DHRSX: variants seen among roughly 807,000 people sequenced by gnomAD.
DHRSX encodes dehydrogenase/reductase X-linked.
DHRSX carries 31 observed loss-of-function variants against 34.0 expected under a neutral mutation model. The ratio of observed to expected loss-of-function variants is 0.91; its 90% CI spans 0.69 to 1.23. The LOEUF is 1.23. DHRSX is among the 50% of genes most tolerant of loss of function. The pLI is 0.00. For synonymous variants in DHRSX, 201 were observed against 183.8 expected, an observed-to-expected ratio of 1.09 and a Z score of -0.76; for missense variants, 414 against 428.1, an observed-to-expected ratio of 0.97 and a Z score of 0.29.
chrX:2,356,238 G>T (rs1318303207), intron 3 of DHRSX, among the ~76,000 whole-genome samples: 1 of 151,992 alleles, frequency 6.6e-6, no homozygotes, highest in Non-Finnish European at 1.5e-5. Context: ...AGCTGGGTGT[G>T]GTGGTGGGCA....
intron 6 of DHRSX, among the ~76,000 whole-genome samples, chrX:2,234,856 G>A (rs1330024656): frequency 2.6e-5 from 4 of 152,108 alleles, no homozygotes; most frequent in Non-Finnish European, 4.4e-5. Flanking sequence ...GACTACAGGC[G>A]TGTGCCACCA....
intron 3 of DHRSX, among the ~76,000 whole-genome samples, chrX:2,397,838 C>T (rs1350789402): frequency 1.3e-5 from 2 of 152,032 alleles, no homozygotes; most frequent in Non-Finnish European, 2.9e-5. Flanking sequence ...TAAACATGCC[C>T]CAGGTGTGCC....
intron 3 of DHRSX, among the ~76,000 whole-genome samples, chrX:2,309,871 C>T (rs1026797988): frequency 2.2e-4 from 34 of 152,116 alleles, no homozygotes; most frequent in Non-Finnish European, 1.2e-4. Flanking sequence ...TATGATTATG[C>T]CTCTGCACCT....
chrX:2,249,033 ACCCT>A (rs2016370489), intron 5 of DHRSX, among the ~76,000 whole-genome samples: 1 of 151,998 alleles, frequency 6.6e-6, no homozygotes, highest in Non-Finnish European at 1.5e-5. Context: ...AGAGGGAATG[ACCCT>A]CCATCTGTTC....
intron 3 of DHRSX, among the ~76,000 whole-genome samples, chrX:2,328,058 C>T (rs1370936437): frequency 8.5e-5 from 11 of 129,218 alleles, no homozygotes; most frequent in African/African-American, 9.3e-5. Context: ...CCAGCCTGGG[C>T]GACAGAGCGA....
In DHRSX at chrX:2,432,367, T is replaced by C. The variant is rs536820420; in HGVS notation, c.110-7063A>G. Among the ~76,000 whole-genome samples, 64 of 152,266 alleles carry C rather than the reference T, an allele frequency of 4.2e-4. No homozygotes were observed. In the South Asian group the frequency reaches 0.013, roughly 30 times the overall value. ...TTTTAGGCAAACTGGACGAATCGAT[T>C]CGAAAATTGCTGTGGGGAAAAGAAT... On this transcript the variant is annotated intron_variant, in intron 1 of 6. Transcript: ENST00000334651.
intron 3 of DHRSX, among the ~76,000 whole-genome samples, chrX:2,322,906 C>A (rs1457706612): frequency 3.3e-5 from 5 of 152,010 alleles, no homozygotes; most frequent in Admixed American, 3.3e-4. Context: ...GTTCAAGGGT[C>A]AACTCTAGTT....
intron 3 of DHRSX, among the ~76,000 whole-genome samples, chrX:2,354,628 A>G (rs2042827125): frequency 1.3e-5 from 2 of 151,962 alleles, no homozygotes; most frequent in Admixed American, 1.3e-4. Context: ...CGCCTGGCTA[A>G]CTTTTGTATT....
chrX:2,477,710 T>C (rs183059535), intron 1 of DHRSX, among the ~76,000 whole-genome samples: 14,077 of 152,108 alleles, frequency 0.093, 887 homozygotes, highest in South Asian at 0.29. Context: ...CCGAGCGTGG[T>C]GGCACATGCC....
intron 5 of DHRSX, among the ~76,000 whole-genome samples, chrX:2,253,513 C>T (rs1288572232): frequency 6.6e-6 from 1 of 152,204 alleles, no homozygotes; most frequent in Non-Finnish European, 1.5e-5. Context: ...GCCTGGGAGG[C>T]GGACATGGCC....
intron 1 of DHRSX, among the ~76,000 whole-genome samples, chrX:2,465,827 G>GAAAAGAAA (rs1478487140): frequency 5.2e-5 from 7 of 134,298 alleles, no homozygotes; most frequent in African/African-American, 2.0e-4. Context: ...AAAAAAAAAA[G>GAAAAGAAA]AGAAAAGAAA....
chrX:2,492,284 A>C (rs2045171107), intron 1 of DHRSX, among the ~76,000 whole-genome samples: 2 of 151,598 alleles, frequency 1.3e-5, no homozygotes, highest in Admixed American at 1.3e-4. Context: ...AGTGTCCTTA[A>C]TAGAAGACAG....
At chrX:2,371,515 C>T (rs78706585) in intron 3 of DHRSX, among the ~76,000 whole-genome samples, 5 of 136,374 alleles carry the variant, frequency 3.7e-5, no homozygotes, top group Admixed American at 2.3e-4. Context: ...CCCGTTACCA[C>T]AGCCCCTCCT....
chrX:2,323,501 G>A (rs1391303212), intron 3 of DHRSX, among the ~76,000 whole-genome samples: 1 of 152,082 alleles, frequency 6.6e-6, no homozygotes, highest in Non-Finnish European at 1.5e-5. Context: ...GGTGGTACAC[G>A]CCTGTAATCC....
At chrX:2,345,012 A>G (rs1473392291) in intron 3 of DHRSX, among the ~76,000 whole-genome samples, 1 of 151,042 alleles carries the variant, frequency 6.6e-6, no homozygotes, top group Non-Finnish European at 1.5e-5. Flanking sequence ...CAGAGGCCAC[A>G]AGACCCCTGC....
chrX:2,298,317 G>GTTTTTT (rs529844889), intron 3 of DHRSX, among the ~76,000 whole-genome samples: 6 of 123,688 alleles, frequency 4.9e-5, no homozygotes, highest in South Asian at 2.7e-4. Context: ...CAGTTTTGGT[G>GTTTTTT]TTTTTTTTTT....
At chrX:2,308,762 T>C (rs1286406998) in intron 3 of DHRSX, among the ~76,000 whole-genome samples, 1 of 125,156 alleles carries the variant, frequency 8.0e-6, no homozygotes, top group Non-Finnish European at 1.6e-5. Context: ...GAGGAAAGGA[T>C]GGGTGGAAAG....
chrX:2,294,538 G>A (rs2041906505), intron 3 of DHRSX, among the ~76,000 whole-genome samples: 1 of 151,936 alleles, frequency 6.6e-6, no homozygotes, highest in Non-Finnish European at 1.5e-5. Flanking sequence ...GGTGGTGCAC[G>A]CCTGTAATCC....
In DHRSX at chrX:2,374,765, A is replaced by G. The variant is rs1009020177; in HGVS notation, c.286+33980T>C. Among the ~76,000 whole-genome samples the G allele has an allele frequency of 2.5e-4, 33 of 133,874 alleles. 1 individual carries two copies. The highest frequency in any genetic ancestry group is 8.3e-4 in the African/African-American group (33 of 39,892). 87.8% of individuals were successfully genotyped at this position (133,874 alleles called of 152,430 possible). A position where few individuals can be genotyped will look rare whatever the true frequency, so the allele number is the denominator to read the frequency against. On this transcript the variant is annotated intron_variant, in intron 3 of 6. Coordinates refer to ENST00000334651, the MANE Select transcript of DHRSX (RefSeq NM_145177.3). ...AAAAAAACCAAAAAACAAAAAACGA[A>G]AAACAAAGTCTTCTCGAAACAGACC... is the stretch of plus-strand genomic sequence containing the variant.
Sources: gnomAD v4.1 joint callset for allele counts (sites outside exome capture counted in the v4.1 genomes callset) on GRCh38, gnomAD v4.1.1 for gene constraint, MANE v1.5 for transcripts, NCBI Gene and HGNC (gene_info 2026-07-23, HGNC 2026-07-21) for gene names.